The following SGCZ variants were observed in gnomAD, a reference collection of about 807,000 sequenced individuals.
SGCZ encodes the protein sarcoglycan zeta, also known as zeta-sarcoglycan.
SGCZ carries 40 observed loss-of-function variants against 41.3 expected under a neutral mutation model. The observed-to-expected ratio is 0.97, with a 90% CI of 0.75 to 1.26. The LOEUF (loss-of-function observed/expected upper bound fraction) is 1.26. Ranked by LOEUF, SGCZ falls within the 50% of genes most tolerant of loss-of-function variation. The pLI, the probability that SGCZ is intolerant of heterozygous loss-of-function variation, is 0.00. For missense variants in SGCZ, 552 were observed against 369.8 expected, an observed-to-expected ratio of 1.49 and a Z score of -4.04; for synonymous variants, 206 against 137.5, an observed-to-expected ratio of 1.50 and a Z score of -3.49.
chr8:15,054,762 G>A (rs112403913), intron 1 of SGCZ, among the ~76,000 whole-genome samples: 12,242 of 151,686 alleles, frequency 0.081, 780 homozygotes, highest in African/African-American at 0.17. Flanking sequence ...AGACCATCCT[G>A]GCTAACACGG....
chr8:14,443,938 C>G (rs1800351063), intron 2 of SGCZ, among the ~76,000 whole-genome samples: 1 of 152,172 alleles, frequency 6.6e-6, no homozygotes, highest in African/African-American at 2.4e-5. Context: ...TATCCAGAAT[C>G]TACAATGAAC....
chr8:15,115,784 T>C (rs1807246050), intron 1 of SGCZ, among the ~76,000 whole-genome samples: 1 of 152,228 alleles, frequency 6.6e-6, no homozygotes, highest in Non-Finnish European at 1.5e-5. Context: ...ACATGTACAA[T>C]GTGTAAGAAG....
At chr8:14,689,920 G>A (rs552496958) in intron 1 of SGCZ, among the ~76,000 whole-genome samples, 4 of 152,310 alleles carry the variant, frequency 2.6e-5, no homozygotes, top group East Asian at 3.9e-4. Flanking sequence ...TACTGCCTAC[G>A]CAGGACACTG....
At chr8:14,291,602 T>C (rs1800845171) in intron 3 of SGCZ, among the ~76,000 whole-genome samples, 2 of 152,058 alleles carry the variant, frequency 1.3e-5, no homozygotes, top group South Asian at 2.1e-4. Flanking sequence ...CTAGTTGTTT[T>C]ACTAATAAAT....
intron 4 of SGCZ, among the ~76,000 whole-genome samples, chr8:14,203,001 G>T (rs974160107): frequency 5.3e-5 from 8 of 152,090 alleles, no homozygotes; most frequent in African/African-American, 1.7e-4. Context: ...AGATACGATG[G>T]TTTTAAAAAT....
Position 14,294,605 on chromosome 8 carries a change from A to T in SGCZ, c.336+29498T>A, listed in dbSNP as rs59631243. Among the ~76,000 whole-genome samples the T allele has an allele frequency of 6.3e-3, 952 of 152,236 alleles. 9 individuals are homozygous for T. Among genetic ancestry groups the T allele is most frequent in the African/African-American group, 0.022 (910 of 41,568 alleles). ...GTTAGGGATGCTCTGATTCTTGAAG[A>T]AAACTGAGAAGAAAATAAAAAGTCC... On this transcript the variant is annotated intron_variant, in intron 3 of 7. Coordinates refer to ENST00000382080, the MANE Select transcript of SGCZ (RefSeq NM_139167.4).
intron 2 of SGCZ, among the ~76,000 whole-genome samples, chr8:14,548,515 G>A (rs1420983104): frequency 6.6e-6 from 1 of 152,076 alleles, no homozygotes; most frequent in Non-Finnish European, 1.5e-5. Flanking sequence ...GTAAAAGCAT[G>A]AGGTTCTGAA....
chr8:14,502,341 A>G (rs1414208876), intron 2 of SGCZ, among the ~76,000 whole-genome samples: 1 of 152,188 alleles, frequency 6.6e-6, no homozygotes, highest in Non-Finnish European at 1.5e-5. Flanking sequence ...CCATGTCTCA[A>G]TCAGGCAATA....
chr8:14,827,665 C>T (rs1212866207), intron 1 of SGCZ, among the ~76,000 whole-genome samples: 3 of 152,130 alleles, frequency 2.0e-5, no homozygotes, highest in African/African-American at 7.2e-5. Context: ...ACACTGTGTG[C>T]CCTGCAGAGC....
intron 1 of SGCZ, among the ~76,000 whole-genome samples, chr8:14,853,834 A>G (rs1428412807): frequency 6.6e-6 from 1 of 151,950 alleles, no homozygotes; most frequent in Non-Finnish European, 1.5e-5. Context: ...CAGATGAACC[A>G]GAAGACCAAT....
chr8:14,672,523 A>C (rs919295033), intron 1 of SGCZ, among the ~76,000 whole-genome samples: 7 of 152,158 alleles, frequency 4.6e-5, no homozygotes, highest in African/African-American at 1.7e-4. Context: ...CAAAGATGAA[A>C]AAGGATGGTT....
At chr8:14,382,601 G>C (rs998488488) in intron 2 of SGCZ, among the ~76,000 whole-genome samples, 32 of 152,194 alleles carry the variant, frequency 2.1e-4, no homozygotes, top group African/African-American at 7.5e-4. Flanking sequence ...AATCATTATT[G>C]GGGACGTTCG....
At chr8:14,857,298 C>CA (rs1258355782) in intron 1 of SGCZ, among the ~76,000 whole-genome samples, 7 of 152,064 alleles carry the variant, frequency 4.6e-5, no homozygotes, top group African/African-American at 7.2e-5. Context: ...TTTTCTTTAT[C>CA]AATTACCCAG....
At chr8:14,856,613 A>C (rs1007483335) in intron 1 of SGCZ, among the ~76,000 whole-genome samples, 1 of 152,124 alleles carries the variant, frequency 6.6e-6, no homozygotes, top group Non-Finnish European at 1.5e-5. Context: ...CCCTCCCCCA[A>C]ATAAAGACTG....
chr8:14,946,866 G>C (rs956505838), intron 1 of SGCZ, among the ~76,000 whole-genome samples: 3 of 151,776 alleles, frequency 2.0e-5, no homozygotes, highest in Non-Finnish European at 4.4e-5. Context: ...AGTAGAGACG[G>C]GGTTTCACCA....
At chr8:14,817,706 C>T (rs1314491331) in intron 1 of SGCZ, among the ~76,000 whole-genome samples, 1 of 152,186 alleles carries the variant, frequency 6.6e-6, no homozygotes, top group Non-Finnish European at 1.5e-5. Flanking sequence ...GGAACAACTG[C>T]ACTTGCAACA....
chr8:15,172,354 G>A (rs957754784), intron 1 of SGCZ, among the ~76,000 whole-genome samples: 1 of 150,734 alleles, frequency 6.6e-6, no homozygotes, highest in Non-Finnish European at 1.5e-5. Context: ...TAGAGACGGG[G>A]TTTCACCGTG....
Position 14,164,672 on chromosome 8 carries a change from C to G in SGCZ, c.455G>C (p.Arg152Thr), listed in dbSNP as rs755831728. ...ATCTTCACTGGCTCTCACTTCAAAT[C>G]TTTTACACTGAGCTTCCACAGCATC... ...GADAVEAQCK[R>T]FEVRASEDGR... The change falls in exon 5 of 8, where the codon AGA becomes ACA. Residue 152 changes from arginine (R) to threonine (T), a missense_variant. Coordinates refer to ENST00000382080, the MANE Select transcript of SGCZ (RefSeq NM_139167.4). 3 of 1,613,580 alleles carry G rather than the reference C, an allele frequency of 1.9e-6. No homozygotes were observed. Among genetic ancestry groups the G allele is most frequent in the East Asian group, 2.2e-5 (1 of 44,864 alleles).
chr8:14,327,779 C>T (rs768699946), intron 2 of SGCZ, among the ~76,000 whole-genome samples: 3 of 152,066 alleles, frequency 2.0e-5, no homozygotes, highest in Non-Finnish European at 2.9e-5. Flanking sequence ...AAATGTAGGA[C>T]TGTTTTTGCT....
Sources: gnomAD v4.1 joint callset for allele counts (sites outside exome capture counted in the v4.1 genomes callset) on GRCh38, gnomAD v4.1.1 for gene constraint, MANE v1.5 for transcripts, NCBI Gene and HGNC (gene_info 2026-07-23, HGNC 2026-07-21) for gene names.